SLIT3: variants seen among roughly 807,000 people sequenced by gnomAD.
SLIT3 encodes slit guidance ligand 3.
SLIT3 carries 68 observed loss-of-function variants against 184.0 expected under a neutral mutation model. That is an observed-to-expected ratio of 0.37 (90% CI 0.30 to 0.45). The LOEUF (loss-of-function observed/expected upper bound fraction) is 0.45, where lower values mean the gene tolerates loss of function less well. Ranked by LOEUF, SLIT3 falls within the 20% of genes least tolerant of loss-of-function variation. The probability of loss-of-function intolerance (pLI) is 1.00; values close to 1 mark genes in which losing one functional copy is unlikely to be tolerated. For missense variants in SLIT3, 1,707 were observed against 2,026.0 expected (o/e 0.84, Z 3.02); for synonymous variants, 831 against 828.6 (o/e 1.00, Z -0.05).
chr5:168,825,502 G>A (rs957485811), intron 6 of SLIT3, among the ~76,000 whole-genome samples: 2 of 152,090 alleles, frequency 1.3e-5, no homozygotes, highest in Non-Finnish European at 2.9e-5. Context: ...GTCTGACACT[G>A]TTAGGCATAT....
At chr5:169,168,021 C>G (rs1762696411) in intron 4 of SLIT3, among the ~76,000 whole-genome samples, 1 of 152,216 alleles carries the variant, frequency 6.6e-6, no homozygotes, top group African/African-American at 2.4e-5. Flanking sequence ...GGGATCTGAA[C>G]TTTCATGTTC....
At chr5:168,910,015 A>G (rs1761203455) in intron 4 of SLIT3, among the ~76,000 whole-genome samples, 1 of 152,254 alleles carries the variant, frequency 6.6e-6, no homozygotes, top group South Asian at 2.1e-4. Context: ...CTTGTGAAAC[A>G]TGCACAGAGA....
intron 5 of SLIT3, among the ~76,000 whole-genome samples, chr5:168,845,805 G>A (rs113576974): frequency 6.6e-6 from 1 of 152,120 alleles, no homozygotes; most frequent in Non-Finnish European, 1.5e-5. Flanking sequence ...TGTTGTACTC[G>A]GTCTGCAGAG....
chr5:168,920,562 G>C (rs184339582), intron 4 of SLIT3, among the ~76,000 whole-genome samples: 1 of 152,126 alleles, frequency 6.6e-6, no homozygotes, highest in Non-Finnish European at 1.5e-5. Flanking sequence ...ACAGCTCCCC[G>C]ACTTCCTTAT....
At chr5:168,680,795 C>G (rs776307099) in intron 32 of SLIT3, among the ~76,000 whole-genome samples, 4 of 152,190 alleles carry the variant, frequency 2.6e-5, no homozygotes, top group Non-Finnish European at 5.9e-5. Flanking sequence ...GAAAATGATT[C>G]TGAGGCACAG....
intron 4 of SLIT3, among the ~76,000 whole-genome samples, chr5:168,987,653 GC>G (rs1162536441): frequency 6.6e-6 from 1 of 152,206 alleles, no homozygotes; most frequent in East Asian, 1.9e-4. Flanking sequence ...CAAGCATCTA[GC>G]TCACTGCCTC....
intron 4 of SLIT3, among the ~76,000 whole-genome samples, chr5:169,052,091 G>T: frequency 6.6e-6 from 1 of 151,038 alleles, no homozygotes; most frequent in East Asian, 1.9e-4. Flanking sequence ...CTTCTTCACA[G>T]AAATGCGTGT....
intron 20 of SLIT3, among the ~76,000 whole-genome samples, chr5:168,736,040 T>C (rs929861272): frequency 6.6e-6 from 1 of 152,196 alleles, no homozygotes; most frequent in African/African-American, 2.4e-5. Flanking sequence ...TTTACTTTCC[T>C]GGGAAATCCC....
chr5:169,156,605 C>A (rs1424958258), intron 4 of SLIT3, among the ~76,000 whole-genome samples: 2 of 152,174 alleles, frequency 1.3e-5, no homozygotes, highest in East Asian at 3.9e-4. Flanking sequence ...GGGCACCAGG[C>A]AGTATCACTA....
At chr5:169,238,563 T>TA (rs1765282252) in intron 3 of SLIT3, among the ~76,000 whole-genome samples, 2 of 147,110 alleles carry the variant, frequency 1.4e-5, no homozygotes, top group South Asian at 2.1e-4. Context: ...TTTTTTTTTT[T>TA]AAGATTTAAG....
rs372656319 is a variant in SLIT3 at position 169,050,940 on chromosome 5, G to C, written c.413+142539C>G. On this transcript the variant is annotated intron_variant, in intron 4 of 35. Coordinates refer to ENST00000519560, the MANE Select transcript of SLIT3 (RefSeq NM_003062.4). The stretch of plus-strand genomic sequence containing the variant: ...TTCAGCAGCCTTCCAGCGCTCTGCT[G>C]TCTTATGGACCCTGGTTGGTTATCT... Among the ~76,000 whole-genome samples the C allele has an allele frequency of 1.9e-3, 284 of 152,324 alleles. 3 individuals carry two copies. Among genetic ancestry groups the C allele is most frequent in the African/African-American group, 6.4e-3 (264 of 41,568 alleles).
chr5:168,861,753 C>T (rs959793945), intron 5 of SLIT3, among the ~76,000 whole-genome samples: 10 of 152,198 alleles, frequency 6.6e-5, no homozygotes, highest in Non-Finnish European at 1.2e-4. Flanking sequence ...GGTGTAAATG[C>T]TGTGAAGCAA....
chr5:168,774,084 T>C, intron 13 of SLIT3, 151 bp downstream of exon 13: 2 of 746,814 alleles, frequency 2.7e-6, no homozygotes, highest in South Asian at 1.9e-5. Flanking sequence ...ACTGATAAGC[T>C]ATTCCGATTT....
At chr5:168,856,806 T>TGTGTGTGTGTGTGTGCGCGC (rs374432432) in intron 5 of SLIT3, among the ~76,000 whole-genome samples, 2 of 137,740 alleles carry the variant, frequency 1.5e-5, no homozygotes, top group African/African-American at 5.5e-5. Flanking sequence ...TGTGTGTGTG[T>TGTGTGTGTGTGTGTGCGCGC]GCGCGCGCGC....
chr5:169,004,687 G>A (rs577814204), intron 4 of SLIT3, among the ~76,000 whole-genome samples: 8 of 152,266 alleles, frequency 5.3e-5, no homozygotes, highest in Non-Finnish European at 7.4e-5. Flanking sequence ...CCACCAAGAC[G>A]ATGGTATTTG....
At chr5:168,845,810 G>T (rs1159600031) in intron 5 of SLIT3, among the ~76,000 whole-genome samples, 1 of 152,184 alleles carries the variant, frequency 6.6e-6, no homozygotes, top group Non-Finnish European at 1.5e-5. Flanking sequence ...TACTCGGTCT[G>T]CAGAGCACAC....
At chr5:168,901,724 A>G (rs1198754100) in intron 4 of SLIT3, among the ~76,000 whole-genome samples, 1 of 152,204 alleles carries the variant, frequency 6.6e-6, no homozygotes, top group African/African-American at 2.4e-5. Flanking sequence ...ACTGTGTGGA[A>G]CACTCTGATC....
intron 20 of SLIT3, among the ~76,000 whole-genome samples, chr5:168,734,728 T>C (rs1383790848): frequency 1.3e-5 from 2 of 152,194 alleles, no homozygotes; most frequent in African/African-American, 2.4e-5. Context: ...CATGGTGACA[T>C]CTTTCGTGTG....
intron 4 of SLIT3, among the ~76,000 whole-genome samples, chr5:169,069,538 C>G (rs1413604446): frequency 6.6e-6 from 1 of 152,120 alleles, no homozygotes; most frequent in Non-Finnish European, 1.5e-5. Context: ...GGAACTCAGA[C>G]CTATAGGAGT....
Sources: allele counts gnomAD v4.1 joint callset (sites outside exome capture counted in the v4.1 genomes callset), GRCh38; gene constraint gnomAD v4.1.1; transcripts MANE v1.5; gene names NCBI Gene and HGNC (gene_info 2026-07-23, HGNC 2026-07-21).